SGCE: variants seen among roughly 807,000 people sequenced by gnomAD.
The protein encoded by SGCE is epsilon-sarcoglycan.
Under a neutral mutation model 57.8 loss-of-function variants are expected in SGCE, and 26 were observed. The ratio of observed to expected loss-of-function variants is 0.45; its 90% CI spans 0.33 to 0.62. SGCE has a LOEUF of 0.62. Ranked by LOEUF, SGCE falls within the 20% of genes least tolerant of loss-of-function variation. The pLI, the probability that SGCE is intolerant of heterozygous loss-of-function variation, is 0.02. For synonymous variants in SGCE, 183 were observed against 189.5 expected (o/e 0.97, Z 0.28); for missense variants, 468 against 548.6 (o/e 0.85, Z 1.47).
Position 94,585,303 on chromosome 7 carries a change from G to T in SGCE, c.*196C>A. The T allele has an allele frequency of 2.0e-6, 1 of 497,430 alleles. No homozygotes were observed. The highest frequency in any genetic ancestry group is 3.6e-6 in the Non-Finnish European group (1 of 277,720). 30.8% of individuals were successfully genotyped at this position (497,430 alleles called of 1,614,324 possible). ...TAAAGTCATCAATGTTTTACAAATTGTCAAAAATGCTTTAAGTACAAAAAA... is the reference window on the plus strand; with the variant it reads ...TAAAGTCATCAATGTTTTACAAATTTTCAAAAATGCTTTAAGTACAAAAAA... On this transcript the variant is annotated 3_prime_UTR_variant, in exon 11 of 11. Transcript: ENST00000648936.
intron 5 of SGCE, among the ~76,000 whole-genome samples, chr7:94,609,656 AAC>A (rs1800702433): frequency 6.6e-6 from 1 of 152,210 alleles, no homozygotes; most frequent in South Asian, 2.1e-4. Context: ...GACAAATGAA[AAC>A]AGTGAGATAC....
intron 4 of SGCE, 66 bp downstream of exon 4, chr7:94,623,259 G>A (rs1369552467): frequency 1.1e-6 from 1 of 951,102 alleles, no homozygotes; most frequent in Non-Finnish European, 1.6e-6. Context: ...TATATTTTAT[G>A]TAGTTATAAA....
At chr7:94,628,601 G>T in intron 2 of SGCE, 1 of 484,316 alleles carries the variant, frequency 2.1e-6, no homozygotes, top group African/African-American at 2.0e-5. Context: ...CAATTTTCTT[G>T]GAAATATATT....
chr7:94,619,107 A>G, intron 4 of SGCE, 151 bp from the exon 5 acceptor site: 1 of 657,432 alleles, frequency 1.5e-6, no homozygotes, highest in South Asian at 1.7e-5. Flanking sequence ...TCTGTTTAAC[A>G]GAGGATGTAT....
intron 6 of SGCE, among the ~76,000 whole-genome samples, chr7:94,601,339 CG>C (rs1799186730): frequency 6.7e-6 from 1 of 148,784 alleles, no homozygotes; most frequent in South Asian, 2.1e-4. Flanking sequence ...CCAAACGTGT[CG>C]TCCTTGATCT....
chr7:94,650,289 G>A (rs1394275417), intron 1 of SGCE, among the ~76,000 whole-genome samples: 1 of 152,194 alleles, frequency 6.6e-6, no homozygotes, highest in Non-Finnish European at 1.5e-5. Context: ...CTGGAGAAGA[G>A]GCAGCTGAGC....
At chr7:94,630,013 T>C (rs1804435313) in intron 1 of SGCE, 172 bp from the exon 2 acceptor site, 1 of 691,828 alleles carries the variant, frequency 1.4e-6, no homozygotes, top group East Asian at 2.9e-5. Context: ...ATGGAAGTGA[T>C]TTCAGGACAA....
At chr7:94,599,616 G>A (rs1328965619) in intron 8 of SGCE, 81 bp downstream of exon 8, 5 of 1,051,446 alleles carry the variant, frequency 4.8e-6, no homozygotes, top group Admixed American at 3.5e-5. Context: ...AAAAAAGCTT[G>A]ACACACATGT....
chr7:94,598,252 G>A, intron 9 of SGCE: 1 of 175,180 alleles, frequency 5.7e-6, no homozygotes, highest in Non-Finnish European at 1.2e-5. Flanking sequence ...TATAGCACTA[G>A]ACAAGGTTTG....
In SGCE at chr7:94,646,740, T is replaced by C. The variant is rs549830969; in HGVS notation, c.109+9250A>G. On this transcript the variant is annotated intron_variant, in intron 1 of 10. Coordinates refer to ENST00000648936, the MANE Select transcript of SGCE (RefSeq NM_003919.3). ...CTGCAGGAAAAATTTCTGTTCACAA[T>C]AAAAAATATAACAATGCTCACATGC... Among the ~76,000 whole-genome samples, 16 of 152,284 alleles carry C rather than the reference T, an allele frequency of 1.1e-4. No individual in the cohort carries two copies. In the South Asian group the frequency reaches 1.7e-3, roughly 16 times the overall value.
Position 94,585,217 on chromosome 7 carries a change from C to G in SGCE, c.*282G>C. On this transcript the variant is annotated 3_prime_UTR_variant, in exon 11 of 11. Coordinates refer to ENST00000648936, the MANE Select transcript of SGCE (RefSeq NM_003919.3). ...AAATAGTTTACTGAAGTAAATTTCA[C>G]CAGTCATTAGGCTTCATTAATAATA... 5.5e-6 allele frequency: 2 copies of G among 361,050 alleles called. No homozygotes were observed. Among genetic ancestry groups the G allele is most frequent in the Non-Finnish European group, 1.0e-5 (2 of 200,294 alleles). The allele number at this position is 361,050 out of a possible 1,614,324, so 22.4% of individuals were successfully genotyped here.
intron 8 of SGCE, 72 bp downstream of exon 8, chr7:94,599,625 G>A: frequency 3.5e-6 from 4 of 1,142,780 alleles, no homozygotes; most frequent in East Asian, 2.3e-5. Flanking sequence ...TGACACACAT[G>A]TATGGAGCAT....
chr7:94,592,403 C>A (rs1797823303), intron 9 of SGCE, among the ~76,000 whole-genome samples: 2 of 152,008 alleles, frequency 1.3e-5, no homozygotes, highest in Non-Finnish European at 1.5e-5. Flanking sequence ...CAAATAGAGG[C>A]CCTATAATCC....
Position 94,610,149 on chromosome 7 carries a change from A to C in SGCE, c.663-6697T>G, listed in dbSNP as rs555014959. ...TGATTCCAATTATATGACATTCTGG[A>C]AGAAAAACCACTATGGAGACAGTAA... On this transcript the variant is annotated intron_variant, in intron 5 of 10. Transcript: ENST00000648936. Among the ~76,000 whole-genome samples, 8 of 152,368 alleles carry C rather than the reference A, an allele frequency of 5.3e-5. No individual in the cohort carries two copies. The East Asian group carries it at 1.5e-3, about 29-fold the overall frequency.
chr7:94,637,718 GGAGA>G (rs1415606980), intron 1 of SGCE, among the ~76,000 whole-genome samples: 1 of 152,176 alleles, frequency 6.6e-6, no homozygotes, highest in Non-Finnish European at 1.5e-5. Flanking sequence ...AACAGCAAGA[GGAGA>G]GAGAGGCATG....
chr7:94,587,305 C>T (rs1037331256), intron 10 of SGCE: 1 of 993,324 alleles, frequency 1.0e-6, no homozygotes, highest in African/African-American at 1.7e-5. Context: ...TTTCCTAATT[C>T]CCCTAGTGGG....
At chr7:94,589,111 C>T (rs1295123049) in intron 9 of SGCE, 4 of 249,478 alleles carry the variant, frequency 1.6e-5, no homozygotes, top group African/African-American at 6.6e-5. Context: ...TTAACCTATA[C>T]ACTTTCAGAT....
intron 5 of SGCE, among the ~76,000 whole-genome samples, chr7:94,609,591 C>T (rs575797205): frequency 6.6e-6 from 1 of 152,278 alleles, no homozygotes; most frequent in Admixed American, 6.5e-5. Context: ...AGAAGTTATA[C>T]TCGTGGTAAA....
chr7:94,639,016 A>G (rs575486664), intron 1 of SGCE, among the ~76,000 whole-genome samples: 28 of 152,362 alleles, frequency 1.8e-4, no homozygotes, highest in South Asian at 8.3e-4. Context: ...ATAACTTGTT[A>G]TAGTAACCAC....
Sources: allele counts gnomAD v4.1 joint callset (sites outside exome capture counted in the v4.1 genomes callset), GRCh38; gene constraint gnomAD v4.1.1; transcripts MANE v1.5; gene names NCBI Gene and HGNC (gene_info 2026-07-23, HGNC 2026-07-21).